The following NTM variants were observed in gnomAD, a reference collection of about 807,000 sequenced individuals.
The protein encoded by NTM is IgLON family member 2.
A neutral mutation model predicts 42.1 loss-of-function variants in NTM; 13 were observed. That is an observed-to-expected ratio of 0.31 (90% CI 0.20 to 0.49). The LOEUF (loss-of-function observed/expected upper bound fraction) is 0.49, where lower values mean the gene tolerates loss of function less well. NTM is among the 20% of genes least tolerant of loss of function. NTM has a pLI of 0.99. For missense variants in NTM, 373 were observed against 452.8 expected, an observed-to-expected ratio of 0.82 and a Z score of 1.60; for synonymous variants, 187 against 179.2, an observed-to-expected ratio of 1.04 and a Z score of -0.35.
chr11:131,451,463 A>G (rs558816209), intron 1 of NTM, among the ~76,000 whole-genome samples: 7 of 152,302 alleles, frequency 4.6e-5, no homozygotes, highest in South Asian at 4.1e-4. Flanking sequence ...CATGTCTTAG[A>G]GAAGGCTTTG....
intron 1 of NTM, among the ~76,000 whole-genome samples, chr11:131,465,957 T>C (rs1354018298): frequency 3.3e-5 from 5 of 152,240 alleles, no homozygotes. Context: ...CAAGGGGGCA[T>C]GGCCCTTTGA....
At chr11:131,943,118 T>A (rs1383422555) in intron 2 of NTM, among the ~76,000 whole-genome samples, 1 of 152,164 alleles carries the variant, frequency 6.6e-6, no homozygotes, top group Admixed American at 6.5e-5. Context: ...ACTGTGGCCT[T>A]CTGGCCTCTT....
At chr11:131,428,190 C>T (rs888293210) in intron 1 of NTM, among the ~76,000 whole-genome samples, 6 of 152,122 alleles carry the variant, frequency 3.9e-5, no homozygotes, top group East Asian at 1.9e-4. Flanking sequence ...TTATTGGGAT[C>T]GATAGCATCT....
chr11:131,660,525 G>C (rs560199078), intron 1 of NTM: 1 of 457,482 alleles, frequency 2.2e-6, no homozygotes, highest in South Asian at 1.5e-5. Context: ...CACTGACCCT[G>C]GGTCCCATCT....
At chr11:131,866,802 G>T (rs892335634) in intron 1 of NTM, among the ~76,000 whole-genome samples, 1 of 152,160 alleles carries the variant, frequency 6.6e-6, no homozygotes, top group African/African-American at 2.4e-5. Context: ...AAAAAGTGGC[G>T]ATTTCACTAC....
intron 1 of NTM, among the ~76,000 whole-genome samples, chr11:131,732,750 C>G (rs59232613): frequency 1.8e-4 from 27 of 152,100 alleles, no homozygotes; most frequent in African/African-American, 6.3e-4. Flanking sequence ...TAATTCTTAG[C>G]GGAGTCTATT....
intron 1 of NTM, among the ~76,000 whole-genome samples, chr11:131,588,811 A>T (rs1283415749): frequency 6.6e-6 from 1 of 151,518 alleles, no homozygotes; most frequent in Non-Finnish European, 1.5e-5. Flanking sequence ...AACTCTGGGC[A>T]ATGTGTACTT....
rs1246565186 is a variant in NTM at position 131,782,618 on chromosome 11, T to G, written c.83-128946T>G. On this transcript the variant is annotated intron_variant, in intron 1 of 8. Coordinates refer to ENST00000683400, the MANE Select transcript of NTM (RefSeq NM_001352005.2). ...AGTCCTTGACAATGTATTACACAAT[T>G]AAATCCAGAAATATATAAATAGGAT... is the stretch of plus-strand genomic sequence containing the variant. Among the ~76,000 whole-genome samples, 7 of 152,130 alleles carry G rather than the reference T, an allele frequency of 4.6e-5. No homozygotes were observed. In the South Asian group the frequency reaches 1.4e-3, roughly 31 times the overall value.
chr11:132,331,133 TGAAGATGCATCTCTGA>T (rs2095794553), intron 8 of NTM, among the ~76,000 whole-genome samples: 1 of 152,160 alleles, frequency 6.6e-6, no homozygotes, highest in African/African-American at 2.4e-5. Context: ...CTTTATTCTC[TGAAGATGCATCTCTGA>T]GATAGTGGGA....
chr11:131,959,062 G>T (rs901408665), intron 2 of NTM, among the ~76,000 whole-genome samples: 3 of 152,186 alleles, frequency 2.0e-5, no homozygotes, highest in Admixed American at 1.3e-4. Context: ...TGAGCTCCAT[G>T]TTCGTGTCAG....
chr11:132,054,453 C>G (rs888907195), intron 2 of NTM, among the ~76,000 whole-genome samples: 4 of 152,186 alleles, frequency 2.6e-5, no homozygotes, highest in African/African-American at 7.2e-5. Flanking sequence ...ATTCGTAGTC[C>G]TATTCAGTGA....
At chr11:131,404,795 A>C (rs377064576) in intron 1 of NTM, among the ~76,000 whole-genome samples, 5 of 152,334 alleles carry the variant, frequency 3.3e-5, no homozygotes, top group African/African-American at 1.2e-4. Context: ...ATTGAGTGAT[A>C]GGCATTGCTG....
intron 2 of NTM, among the ~76,000 whole-genome samples, chr11:132,000,645 T>G (rs1418347291): frequency 1.3e-5 from 2 of 152,226 alleles, no homozygotes; most frequent in African/African-American, 4.8e-5. Context: ...AAAGTCTGCT[T>G]TGATCGTTCC....
Position 131,728,750 on chromosome 11 carries a change from C to T in NTM, c.83-182814C>T, listed in dbSNP as rs1337584186. Among the ~76,000 whole-genome samples the T allele has an allele frequency of 8.7e-3, 1,331 of 152,202 alleles. 15 individuals are homozygous for T. Among genetic ancestry groups the T allele is most frequent in the African/African-American group, 0.03 (1,243 of 41,532 alleles). On this transcript the variant is annotated intron_variant, in intron 1 of 8. Transcript: ENST00000683400. ...TTCGTGATCAACTTAACCTTGAGCC[C>T]CTCTGTCCTTCCCAGAGAAAGAGGG... is the stretch of plus-strand genomic sequence containing the variant.
At chr11:132,140,105 C>T (rs2068781257) in intron 2 of NTM, among the ~76,000 whole-genome samples, 1 of 152,174 alleles carries the variant, frequency 6.6e-6, no homozygotes, top group Admixed American at 6.5e-5. Context: ...GTTATTTCTA[C>T]TGCAGGTGAT....
At chr11:131,945,962 G>T (rs1435054148) in intron 2 of NTM, among the ~76,000 whole-genome samples, 1 of 152,168 alleles carries the variant, frequency 6.6e-6, no homozygotes, top group African/African-American at 2.4e-5. Context: ...CCGTAGCAGG[G>T]TGCAGGCTGA....
chr11:132,099,507 A>T (rs923604339), intron 2 of NTM, among the ~76,000 whole-genome samples: 1 of 152,200 alleles, frequency 6.6e-6, no homozygotes, highest in Non-Finnish European at 1.5e-5. Context: ...GAAAACAGTG[A>T]TGTAGTCTAA....
chr11:131,896,727 CG>C (rs1436460524), intron 1 of NTM, among the ~76,000 whole-genome samples: 1 of 134,864 alleles, frequency 7.4e-6, no homozygotes, highest in African/African-American at 2.8e-5. Flanking sequence ...CTGGCTCTGT[CG>C]CCCAGGCTGG....
intron 1 of NTM, among the ~76,000 whole-genome samples, chr11:131,441,224 C>G (rs908929024): frequency 2.0e-5 from 3 of 152,174 alleles, no homozygotes; most frequent in Non-Finnish European, 4.4e-5. Context: ...TGATGCGTCT[C>G]CAACCAAAGC....
Sources: allele counts gnomAD v4.1 joint callset (sites outside exome capture counted in the v4.1 genomes callset), GRCh38; gene constraint gnomAD v4.1.1; transcripts MANE v1.5; gene names NCBI Gene and HGNC (gene_info 2026-07-23, HGNC 2026-07-21).